The following GPC5 variants were observed in gnomAD, a reference collection of about 807,000 sequenced individuals.
GPC5 encodes the protein glypican-5.
GPC5 carries 47 observed loss-of-function variants against 53.9 expected under a neutral mutation model. That is an observed-to-expected ratio of 0.87 (90% CI 0.69 to 1.11). The LOEUF (loss-of-function observed/expected upper bound fraction) is 1.11. Among genes scored for constraint, GPC5 ranks in the 50% most tolerant of loss-of-function variants. GPC5 has a pLI of 0.00. For synonymous variants in GPC5, 286 were observed against 263.3 expected, an observed-to-expected ratio of 1.09 and a Z score of -0.84; for missense variants, 748 against 713.1, an observed-to-expected ratio of 1.05 and a Z score of -0.56.
intron 2 of GPC5, among the ~76,000 whole-genome samples, chr13:91,619,369 T>A (rs2033790705): frequency 6.6e-6 from 1 of 152,102 alleles, no homozygotes; most frequent in Admixed American, 6.6e-5. Context: ...CAAACCATTA[T>A]AATATATCTT....
At chr13:92,178,285 T>A (rs921203796) in intron 7 of GPC5, among the ~76,000 whole-genome samples, 1 of 152,134 alleles carries the variant, frequency 6.6e-6, no homozygotes, top group African/African-American at 2.4e-5. Flanking sequence ...TGTCAGCAGA[T>A]GTGGATATGA....
At chr13:91,681,669 T>C (rs1171227027) in intron 2 of GPC5, among the ~76,000 whole-genome samples, 1 of 152,186 alleles carries the variant, frequency 6.6e-6, no homozygotes. Flanking sequence ...TTCTCCACAG[T>C]GTATTTGGTG....
At chr13:91,738,798 T>G (rs2036867546) in intron 4 of GPC5, among the ~76,000 whole-genome samples, 1 of 151,358 alleles carries the variant, frequency 6.6e-6, no homozygotes, top group African/African-American at 2.5e-5. Flanking sequence ...TCCATTACCC[T>G]CTTCCCTTTT....
At chr13:92,173,826 C>T (rs2042087889) in intron 7 of GPC5, among the ~76,000 whole-genome samples, 1 of 152,172 alleles carries the variant, frequency 6.6e-6, no homozygotes, top group Admixed American at 6.5e-5. Context: ...GACATCTAGG[C>T]CAGGCTTGGT....
chr13:91,641,879 G>A (rs1594369464), intron 2 of GPC5, among the ~76,000 whole-genome samples: 1 of 152,178 alleles, frequency 6.6e-6, no homozygotes, highest in Non-Finnish European at 1.5e-5. Flanking sequence ...ATTGAAGAGA[G>A]CTAGTTAAGA....
chr13:91,571,801 A>T (rs1330127361), intron 2 of GPC5, among the ~76,000 whole-genome samples: 1 of 115,720 alleles, frequency 8.6e-6, no homozygotes, highest in Non-Finnish European at 1.8e-5. Context: ...GTGTGTATAT[A>T]TACACACACA....
chr13:91,407,713 A>G (rs1426058142), intron 1 of GPC5, among the ~76,000 whole-genome samples: 2 of 152,152 alleles, frequency 1.3e-5, no homozygotes, highest in East Asian at 1.9e-4. Flanking sequence ...TCCTGAGCTG[A>G]TCATTGTTTG....
intron 5 of GPC5, among the ~76,000 whole-genome samples, chr13:91,786,465 ATTT>A (rs941663644): frequency 1.3e-5 from 2 of 151,742 alleles, no homozygotes; most frequent in Non-Finnish European, 2.9e-5. Context: ...TGCCTATTTG[ATTT>A]TTTTATTTTT....
intron 7 of GPC5, among the ~76,000 whole-genome samples, chr13:92,632,485 T>TATATATATATATATATATATATAC (rs138355646): frequency 1.5e-5 from 2 of 137,650 alleles, no homozygotes; most frequent in Non-Finnish European, 3.1e-5. Flanking sequence ...TATATATATA[T>TATATATATATATATATATATATAC]ACACATATAT....
At chr13:92,296,630 G>A (rs1270945850) in intron 7 of GPC5, among the ~76,000 whole-genome samples, 1 of 152,168 alleles carries the variant, frequency 6.6e-6, no homozygotes. Context: ...GCCAAGGCTG[G>A]AGCCCACTCC....
chr13:91,669,487 G>A (rs2035194822), intron 2 of GPC5, among the ~76,000 whole-genome samples: 1 of 152,180 alleles, frequency 6.6e-6, no homozygotes, highest in African/African-American at 2.4e-5. Context: ...TATTTCAACA[G>A]CTCTGCTTGT....
intron 3 of GPC5, chr13:91,724,920 A>AAAT (rs1363737980): frequency 1.3e-5 from 2 of 152,218 alleles, no homozygotes; most frequent in African/African-American, 2.4e-5. Context: ...AGTCTAATGA[A>AAAT]AATAAACAAT....
intron 2 of GPC5, among the ~76,000 whole-genome samples, chr13:91,591,405 C>T (rs945400356): frequency 6.6e-6 from 1 of 152,204 alleles, no homozygotes; most frequent in Admixed American, 6.5e-5. Context: ...AATCTGATGA[C>T]TATGTGCCTT....
At chr13:92,755,572 T>C (rs1025448666) in intron 7 of GPC5, among the ~76,000 whole-genome samples, 27 of 149,564 alleles carry the variant, frequency 1.8e-4, no homozygotes, top group African/African-American at 5.8e-4. Flanking sequence ...ACAAAATAGA[T>C]AGACTGCTAG....
At chr13:92,211,838 C>G (rs1255441199) in intron 7 of GPC5, among the ~76,000 whole-genome samples, 1 of 152,212 alleles carries the variant, frequency 6.6e-6, no homozygotes, top group Non-Finnish European at 1.5e-5. Flanking sequence ...AAGGTTTCGT[C>G]TGTTCCTATT....
intron 6 of GPC5, among the ~76,000 whole-genome samples, chr13:92,112,364 G>T (rs1018003228): frequency 6.6e-6 from 1 of 152,114 alleles, no homozygotes; most frequent in Non-Finnish European, 1.5e-5. Context: ...GAATCGTATA[G>T]TAAGGAAGTA....
At chr13:91,400,836 G>A (rs1771566690) in intron 1 of GPC5, among the ~76,000 whole-genome samples, 1 of 152,204 alleles carries the variant, frequency 6.6e-6, no homozygotes, top group African/African-American at 2.4e-5. Context: ...ATCAGTCACT[G>A]AGACAGTGTC....
chr13:92,249,476 T>A (rs554795460), intron 7 of GPC5, among the ~76,000 whole-genome samples: 1 of 152,126 alleles, frequency 6.6e-6, no homozygotes, highest in Non-Finnish European at 1.5e-5. Flanking sequence ...GCTCCTCTTA[T>A]GTAATACCCT....
chr13:91,857,109 C>G (rs1269484289), intron 5 of GPC5, among the ~76,000 whole-genome samples: 1 of 151,254 alleles, frequency 6.6e-6, no homozygotes, highest in Admixed American at 6.6e-5. Flanking sequence ...TATTTATCTT[C>G]CCTTACACCA....
Sources: allele counts gnomAD v4.1 joint callset (sites outside exome capture counted in the v4.1 genomes callset), GRCh38; gene constraint gnomAD v4.1.1; transcripts MANE v1.5; gene names NCBI Gene and HGNC (gene_info 2026-07-23, HGNC 2026-07-21).